PXMP2: variants seen among roughly 807,000 people sequenced by gnomAD.
PXMP2 encodes the protein peroxisomal membrane protein 2.
PXMP2 carries 13 observed loss-of-function variants against 20.2 expected under a neutral mutation model. That is an observed-to-expected ratio of 0.64 (90% CI 0.42 to 1.02). PXMP2 has a LOEUF of 1.02. Ranked by LOEUF, PXMP2 falls within the 50% of genes least tolerant of loss-of-function variation. The probability of loss-of-function intolerance (pLI) is 0.00; values close to 1 mark genes in which losing one functional copy is unlikely to be tolerated. For synonymous variants in PXMP2, 113 were observed against 111.2 expected (o/e 1.02, Z -0.10); for missense variants, 284 against 251.8 (o/e 1.13, Z -0.87).
intron 4 of PXMP2, chr12:132,701,661 C>T (rs2043442827): frequency 5.1e-6 from 2 of 393,286 alleles, no homozygotes; most frequent in African/African-American, 2.2e-5. Context: ...TCATTAAAAG[C>T]CCCCATGCCA....
At chr12:132,692,878 G>T (rs2043380230) in intron 2 of PXMP2, among the ~76,000 whole-genome samples, 1 of 88,568 alleles carries the variant, frequency 1.1e-5, no homozygotes, top group Non-Finnish European at 2.6e-5. Context: ...GAGCTCCCTT[G>T]CCAGTTAGTT....
chr12:132,691,163 C>G (rs2043364106), intron 2 of PXMP2, among the ~76,000 whole-genome samples: 1 of 151,610 alleles, frequency 6.6e-6, no homozygotes, highest in African/African-American at 2.4e-5. Flanking sequence ...GCCATTCTCC[C>G]GACTCAGTCT....
intron 1 of PXMP2, among the ~76,000 whole-genome samples, chr12:132,688,348 CCTCA>C (rs2043333509): frequency 2.2e-4 from 20 of 89,372 alleles, no homozygotes; most frequent in East Asian, 6.8e-4. Flanking sequence ...GGGAGCGGGT[CCTCA>C]TGGAGCGTGT....
At chr12:132,701,115 CAT>C (rs142585654) in intron 3 of PXMP2, 133 bp from the exon 4 acceptor site, 48,985 of 1,267,462 alleles carry the variant, frequency 0.039, 1,164 homozygotes, top group Middle Eastern at 0.045. Flanking sequence ...GCTGAGTACA[CAT>C]GTGTGCTGTC....
intron 1 of PXMP2, 177 bp downstream of exon 1, chr12:132,687,969 A>G (rs2043319386): frequency 1.8e-6 from 1 of 564,368 alleles, no homozygotes. Context: ...CCGCGTCCGC[A>G]GTCAGCGATT....
Position 132,699,392 on chromosome 12 carries a change from G to A in PXMP2, c.400-1858G>A, listed in dbSNP as rs866879594. ...CGCCACTGCACTCCAGCCAGCATGG[G>A]CAACAGAGTGAGATGGCGAGACCCT... On this transcript the variant is annotated intron_variant, in intron 3 of 4. Coordinates refer to ENST00000317479, the MANE Select transcript of PXMP2 (RefSeq NM_018663.3). Among the ~76,000 whole-genome samples the A allele has an allele frequency of 4.6e-5, 7 of 152,106 alleles. No individual in the cohort carries two copies. In the East Asian group the frequency reaches 1.3e-3, roughly 29 times the overall value.
rs572377650 is a variant in PXMP2 at position 132,696,499 on chromosome 12, G to A, written c.399+453G>A. 9.2e-5 allele frequency among the ~76,000 whole-genome samples: 14 copies of A among 152,288 alleles called. No homozygotes were observed. The South Asian group carries it at 2.5e-3, about 27-fold the overall frequency. On this transcript the variant is annotated intron_variant, in intron 3 of 4. Coordinates refer to ENST00000317479, the MANE Select transcript of PXMP2 (RefSeq NM_018663.3). This position sits in a 1 kb window ranked among gnomAD's most constrained non-coding sequence, Gnocchi z 4.4. ...ACCTGCCATTAGAGGTCTTGTCACT[G>A]TGTAAAGAAAGAAACAGGCCGGGCA...
At chr12:132,698,758 C>T (rs1181361572) in intron 3 of PXMP2, among the ~76,000 whole-genome samples, 3 of 152,042 alleles carry the variant, frequency 2.0e-5, no homozygotes, top group Non-Finnish European at 4.4e-5. Context: ...TCCAGAGTAG[C>T]TGGGACAACA....
intron 4 of PXMP2, chr12:132,701,691 T>G: frequency 3.0e-6 from 1 of 337,394 alleles, no homozygotes. Context: ...ATGAGTTTTC[T>G]AGCCTTTGAA....
rs1029973962 is a variant in PXMP2 at position 132,696,233 on chromosome 12, CTTTATTTA to C, written c.399+200_399+207del. Among the ~76,000 whole-genome samples the C allele has an allele frequency of 6.6e-6, 1 of 151,938 alleles. No homozygotes were observed. Among genetic ancestry groups the C allele is most frequent in the African/African-American group, 2.4e-5 (1 of 41,354 alleles). On this transcript the variant is annotated intron_variant, in intron 3 of 4. Transcript: ENST00000317479. The surrounding 1 kb of genome is among the most constrained non-coding windows in gnomAD (Gnocchi z 4.4). ...GACCTGTTTGTACCCAGTAGAGTCA[CTTTATTTA>C]TTTATTTATTTAAAGACAGGGTTTC...
intron 1 of PXMP2, 30 bp downstream of exon 1, chr12:132,687,822 C>T (rs1279478381): frequency 1.8e-6 from 2 of 1,130,274 alleles, no homozygotes; most frequent in Non-Finnish European, 2.2e-6. Flanking sequence ...TCGGACGCCG[C>T]CCCGGCCCCA....
chr12:132,691,138 G>A (rs940939541), intron 2 of PXMP2, among the ~76,000 whole-genome samples: 21 of 149,048 alleles, frequency 1.4e-4, no homozygotes, highest in African/African-American at 2.5e-4. Context: ...TGCAAGCTCT[G>A]CCTCCTGGGT....
chr12:132,692,325 G>A (rs2043373861), intron 2 of PXMP2, among the ~76,000 whole-genome samples: 1 of 130,844 alleles, frequency 7.6e-6, no homozygotes, highest in South Asian at 2.5e-4. Context: ...AGCTCCCTTA[G>A]CCAGTTAGTT....
At chr12:132,704,211 T>C (rs139410866) in intron 4 of PXMP2, among the ~76,000 whole-genome samples, 1 of 152,048 alleles carries the variant, frequency 6.6e-6, no homozygotes, top group East Asian at 1.9e-4. Context: ...GGGATGGTGA[T>C]GGGTTAGAGG....
At chr12:132,704,541 T>C in intron 4 of PXMP2, 78 bp from the exon 5 acceptor site, 1 of 1,180,752 alleles carries the variant, frequency 8.5e-7, no homozygotes, top group Non-Finnish European at 1.1e-6. Flanking sequence ...GGTAAACAAA[T>C]GAACTGGGTG....
At chr12:132,700,650 T>C (rs2043433978) in intron 3 of PXMP2, among the ~76,000 whole-genome samples, 2 of 152,216 alleles carry the variant, frequency 1.3e-5, no homozygotes, top group Non-Finnish European at 1.5e-5. Context: ...TTTCTTTTGC[T>C]GTGCAGAAGC....
chr12:132,695,665 C>T (rs1368313402), intron 2 of PXMP2, among the ~76,000 whole-genome samples: 1 of 152,184 alleles, frequency 6.6e-6, no homozygotes, highest in Non-Finnish European at 1.5e-5. Flanking sequence ...GGCGGGGACG[C>T]GCTGGGAGCA....
chr12:132,691,891 C>G (rs1200040986), intron 2 of PXMP2, among the ~76,000 whole-genome samples: 2 of 152,382 alleles, frequency 1.3e-5, no homozygotes, highest in East Asian at 3.9e-4. Flanking sequence ...TGGTTCCATT[C>G]TCTCCCAAAC....
chr12:132,695,600 G>A (rs1318582926), intron 2 of PXMP2, among the ~76,000 whole-genome samples: 1 of 152,204 alleles, frequency 6.6e-6, no homozygotes, highest in Non-Finnish European at 1.5e-5. Flanking sequence ...GCGTGCACAC[G>A]TGCTGGGACG....
Sources: gnomAD v4.1 joint callset for allele counts (sites outside exome capture counted in the v4.1 genomes callset) on GRCh38, gnomAD v4.1.1 for gene constraint, Gnocchi (gnomAD v3.1) non-coding constraint, MANE v1.5 for transcripts, NCBI Gene and HGNC (gene_info 2026-07-23, HGNC 2026-07-21) for gene names.